KHDRBS3: variants seen among roughly 807,000 people sequenced by gnomAD.
KHDRBS3 encodes KH domain-containing, RNA-binding, signal transduction-associated protein 3.
Under a neutral mutation model 45.6 loss-of-function variants are expected in KHDRBS3, and 23 were observed. That is an observed-to-expected ratio of 0.50 (90% CI 0.36 to 0.72). The LOEUF is 0.72. Among genes scored for constraint, KHDRBS3 ranks in the 30% least tolerant of loss-of-function variants. The probability of loss-of-function intolerance (pLI) is 0.00; values close to 1 mark genes in which losing one functional copy is unlikely to be tolerated. For missense variants in KHDRBS3, 352 were observed against 424.8 expected (o/e 0.83, Z 1.51); for synonymous variants, 162 against 156.5 (o/e 1.04, Z -0.26).
chr8:135,565,769 A>G (rs1196465692), intron 5 of KHDRBS3, among the ~76,000 whole-genome samples: 3 of 152,168 alleles, frequency 2.0e-5, no homozygotes, highest in Non-Finnish European at 4.4e-5. Context: ...GCAAAGACTC[A>G]GAGCCTTCCA....
At chr8:135,624,348 C>G (rs1830269200) in intron 7 of KHDRBS3, among the ~76,000 whole-genome samples, 1 of 152,170 alleles carries the variant, frequency 6.6e-6, no homozygotes, top group Non-Finnish European at 1.5e-5. Flanking sequence ...GGGATAAAAT[C>G]CCCATTCAAA....
At chr8:135,604,328 C>G (rs1179961665) in intron 6 of KHDRBS3, among the ~76,000 whole-genome samples, 1 of 151,650 alleles carries the variant, frequency 6.6e-6, no homozygotes, top group African/African-American at 2.4e-5. Context: ...TAAAGTGTGT[C>G]TCTTGTAGAC....
chr8:135,583,282 C>A (rs1201740229), intron 6 of KHDRBS3, among the ~76,000 whole-genome samples: 1 of 152,140 alleles, frequency 6.6e-6, no homozygotes, highest in Non-Finnish European at 1.5e-5. Flanking sequence ...TTAACAAATC[C>A]CGTAATAGTT....
chr8:135,478,819 C>CA (rs1192498003), intron 1 of KHDRBS3, among the ~76,000 whole-genome samples: 2 of 152,016 alleles, frequency 1.3e-5, no homozygotes, highest in Admixed American at 6.5e-5. Flanking sequence ...AGAGATACAA[C>CA]AAAGCAGTAC....
At chr8:135,575,616 C>T (rs907632604) in intron 5 of KHDRBS3, among the ~76,000 whole-genome samples, 5 of 151,976 alleles carry the variant, frequency 3.3e-5, no homozygotes, top group African/African-American at 9.7e-5. Context: ...GGATCACAGG[C>T]CACCATAGCT....
intron 5 of KHDRBS3, 132 bp downstream of exon 5, chr8:135,557,719 C>T (rs2130832970): frequency 1.4e-6 from 1 of 691,534 alleles, no homozygotes; most frequent in South Asian, 1.8e-5. Flanking sequence ...TGCCTGTAGT[C>T]CCAGCTACTC....
At chr8:135,506,912 A>T (rs1824027748) in intron 1 of KHDRBS3, among the ~76,000 whole-genome samples, 1 of 151,944 alleles carries the variant, frequency 6.6e-6, no homozygotes, top group Admixed American at 6.6e-5. Context: ...TTCTCTCCTG[A>T]ATCATTTATC....
At chr8:135,473,534 T>A (rs1010953453) in intron 1 of KHDRBS3, among the ~76,000 whole-genome samples, 1 of 152,126 alleles carries the variant, frequency 6.6e-6, no homozygotes, top group African/African-American at 2.4e-5. Flanking sequence ...AGATATACAC[T>A]TTTTATTATT....
At chr8:135,586,459 A>G (rs910695568) in intron 6 of KHDRBS3, among the ~76,000 whole-genome samples, 4 of 152,228 alleles carry the variant, frequency 2.6e-5, no homozygotes, top group Non-Finnish European at 5.9e-5. Context: ...CACTGAATTA[A>G]ATAACCTCTG....
intron 7 of KHDRBS3, among the ~76,000 whole-genome samples, chr8:135,619,652 C>T (rs570689171): frequency 6.6e-6 from 1 of 151,980 alleles, no homozygotes; most frequent in Admixed American, 6.6e-5. Flanking sequence ...ATCGTAAATG[C>T]TATCAATAGC....
intron 2 of KHDRBS3, among the ~76,000 whole-genome samples, chr8:135,536,985 A>G (rs1271385734): frequency 7.3e-5 from 5 of 68,826 alleles, no homozygotes; most frequent in Non-Finnish European, 1.4e-4. Flanking sequence ...AAAAAAAAAA[A>G]AAAAAAAAAA....
intron 6 of KHDRBS3, 51 bp from the exon 7 acceptor site, chr8:135,606,904 C>CT: frequency 1.4e-6 from 2 of 1,428,348 alleles, no homozygotes; most frequent in Non-Finnish European, 2.0e-6. Context: ...ATGCTTCTTT[C>CT]TTTTTAGAAA....
At chr8:135,459,664 C>G (rs1382150296) in intron 1 of KHDRBS3, among the ~76,000 whole-genome samples, 3 of 152,198 alleles carry the variant, frequency 2.0e-5, no homozygotes, top group Non-Finnish European at 4.4e-5. Flanking sequence ...TTAGGTTGTA[C>G]TCAATTAAGG....
At chr8:135,475,597 G>A (rs571966163) in intron 1 of KHDRBS3, among the ~76,000 whole-genome samples, 22 of 152,050 alleles carry the variant, frequency 1.4e-4, no homozygotes, top group African/African-American at 5.3e-4. Context: ...TAGGTATGGG[G>A]GCCACCACAT....
intron 1 of KHDRBS3, among the ~76,000 whole-genome samples, chr8:135,514,952 G>T (rs1184882797): frequency 2.0e-5 from 3 of 152,096 alleles, no homozygotes; most frequent in Admixed American, 6.5e-5. Context: ...ATTACTGCTG[G>T]TATAAGTGAC....
chr8:135,480,908 A>G (rs1031033370), intron 1 of KHDRBS3, among the ~76,000 whole-genome samples: 10 of 152,066 alleles, frequency 6.6e-5, no homozygotes, highest in African/African-American at 2.4e-4. Context: ...GGAATTATTA[A>G]TAATCCTGAT....
intron 7 of KHDRBS3, among the ~76,000 whole-genome samples, chr8:135,632,079 C>A (rs7010080): frequency 0.17 from 25,590 of 152,186 alleles, 3,310 homozygotes; most frequent in East Asian, 0.53. Context: ...TGCGCACACA[C>A]TTCCTCTACA....
At chr8:135,612,064 A>C (rs556406139) in intron 7 of KHDRBS3, among the ~76,000 whole-genome samples, 2 of 151,822 alleles carry the variant, frequency 1.3e-5, no homozygotes, top group Non-Finnish European at 2.9e-5. Context: ...ATTCAAGTTT[A>C]AAAATGTTAT....
chr8:135,582,730 G>A (rs1004643568), intron 6 of KHDRBS3, among the ~76,000 whole-genome samples: 2 of 152,196 alleles, frequency 1.3e-5, no homozygotes, highest in Non-Finnish European at 2.9e-5. Context: ...AATTGAAATT[G>A]TTAAAGTAAG....
Sources: allele counts gnomAD v4.1 joint callset (sites outside exome capture counted in the v4.1 genomes callset), GRCh38; gene constraint gnomAD v4.1.1; transcripts MANE v1.5; gene names NCBI Gene and HGNC (gene_info 2026-07-23, HGNC 2026-07-21).